Variants in XKR6 observed in about 807,000 individuals in gnomAD.
XKR6 encodes XK related 6, also known as XK-related protein 6.
In XKR6, 22 loss-of-function variants were observed where a neutral mutation model predicts 56.7. That is an observed-to-expected ratio of 0.39 (90% CI 0.28 to 0.55). The LOEUF (loss-of-function observed/expected upper bound fraction) is 0.55, where lower values mean the gene tolerates loss of function less well. XKR6 is among the 20% of genes least tolerant of loss of function. XKR6 has a pLI of 0.66. For missense variants in XKR6, 852 were observed against 889.0 expected (o/e 0.96, Z 0.53); for synonymous variants, 524 against 387.8 (o/e 1.35, Z -4.13).
At chr8:10,982,266 C>T (rs1400341971) in intron 1 of XKR6, among the ~76,000 whole-genome samples, 1 of 152,182 alleles carries the variant, frequency 6.6e-6, no homozygotes, top group Non-Finnish European at 1.5e-5. Flanking sequence ...AGTTGAAAAT[C>T]ATTTCCAAGA....
At chr8:11,132,921 G>C (rs977632426) in intron 1 of XKR6, among the ~76,000 whole-genome samples, 1 of 151,142 alleles carries the variant, frequency 6.6e-6, no homozygotes, top group Admixed American at 6.6e-5. Flanking sequence ...GACAAAAGTT[G>C]CTTTTCAATT....
At chr8:11,135,705 G>A (rs900873771) in intron 1 of XKR6, among the ~76,000 whole-genome samples, 2 of 151,274 alleles carry the variant, frequency 1.3e-5, no homozygotes, top group African/African-American at 4.9e-5. Flanking sequence ...TTCTGAGGTA[G>A]AATTTCAAAT....
intron 2 of XKR6, among the ~76,000 whole-genome samples, chr8:10,910,717 G>A (rs1018545590): frequency 6.6e-6 from 1 of 152,224 alleles, no homozygotes; most frequent in African/African-American, 2.4e-5. Flanking sequence ...GGGCCCAGGA[G>A]GAGGAACGCT....
intron 1 of XKR6, among the ~76,000 whole-genome samples, chr8:10,993,030 A>G (rs1325079348): frequency 6.6e-6 from 1 of 152,182 alleles, no homozygotes; most frequent in Non-Finnish European, 1.5e-5. Context: ...GGAGAAAGAG[A>G]AGTGGGAGGT....
At chr8:11,019,875 C>T (rs562176629) in intron 1 of XKR6, among the ~76,000 whole-genome samples, 53 of 152,258 alleles carry the variant, frequency 3.5e-4, no homozygotes, top group African/African-American at 1.1e-3. Flanking sequence ...AAGAGAAATC[C>T]GATCAGAGGT....
chr8:11,160,928 A>G (rs926342438), intron 1 of XKR6, among the ~76,000 whole-genome samples: 10 of 151,244 alleles, frequency 6.6e-5, no homozygotes, highest in East Asian at 1.9e-4. Context: ...AAAAAAAAAA[A>G]AAAGAAAAAA....
chr8:11,157,989 A>G (rs774537305), intron 1 of XKR6, among the ~76,000 whole-genome samples: 4 of 152,222 alleles, frequency 2.6e-5, no homozygotes, highest in Non-Finnish European at 4.4e-5. Context: ...TGTTGAGTCA[A>G]TTGCAATTAT....
intron 1 of XKR6, among the ~76,000 whole-genome samples, chr8:11,006,305 C>T (rs1586422812): frequency 6.6e-6 from 1 of 152,160 alleles, no homozygotes; most frequent in Admixed American, 6.5e-5. Flanking sequence ...TCAGCGCCTA[C>T]TGTGGACAAT....
At chr8:10,961,369 T>C (rs1802055466) in intron 1 of XKR6, among the ~76,000 whole-genome samples, 1 of 151,850 alleles carries the variant, frequency 6.6e-6, no homozygotes, top group African/African-American at 2.4e-5. Flanking sequence ...GAGCTGTGAG[T>C]CCAGAGACAC....
intron 1 of XKR6, chr8:11,113,924 G>A (rs911265025): frequency 2.1e-5 from 6 of 280,712 alleles, no homozygotes; most frequent in African/African-American, 9.0e-5. Flanking sequence ...AGGAACTGGG[G>A]CAGCACAGAC....
rs988599732 is a variant in XKR6 at position 11,040,398 on chromosome 8, G to T, written c.765-115568C>A. 5.9e-5 allele frequency among the ~76,000 whole-genome samples: 9 copies of T among 151,656 alleles called. No homozygotes were observed. The South Asian group carries it at 1.9e-3, about 32-fold the overall frequency. The stretch of plus-strand genomic sequence containing the variant: ...AAAAAAAAAATTAGCCAAACAGGGT[G>T]GCACCCACCTGTAGACCCAGCTACT... On this transcript the variant is annotated intron_variant, in intron 1 of 2. Coordinates refer to ENST00000416569, the MANE Select transcript of XKR6 (RefSeq NM_173683.4).
At chr8:11,190,435 T>A (rs1412470429) in intron 1 of XKR6, among the ~76,000 whole-genome samples, 1 of 152,174 alleles carries the variant, frequency 6.6e-6, no homozygotes, top group Non-Finnish European at 1.5e-5. Flanking sequence ...TATTCCTTTG[T>A]GTAATGTGGA....
intron 1 of XKR6, among the ~76,000 whole-genome samples, chr8:11,166,011 A>G (rs1802053290): frequency 6.7e-6 from 1 of 148,742 alleles, no homozygotes; most frequent in African/African-American, 2.5e-5. Flanking sequence ...ACTGGAGTGC[A>G]GTTGTGTGAT....
intron 1 of XKR6, among the ~76,000 whole-genome samples, chr8:11,075,121 T>TAAGG (rs1000974494): frequency 3.5e-4 from 54 of 152,180 alleles, no homozygotes; most frequent in Middle Eastern, 3.4e-3. Flanking sequence ...GAGGCTCCCA[T>TAAGG]AAGGAGCCCA....
chr8:11,043,554 G>A (rs371265341), intron 1 of XKR6, among the ~76,000 whole-genome samples: 2 of 152,354 alleles, frequency 1.3e-5, no homozygotes, highest in East Asian at 3.9e-4. Context: ...AGCCCCTGGA[G>A]GGCAGGCACT....
chr8:11,192,316 G>A (rs925537738), intron 1 of XKR6, among the ~76,000 whole-genome samples: 14 of 151,738 alleles, frequency 9.2e-5, no homozygotes, highest in African/African-American at 2.7e-4. Context: ...GTGCCACCAC[G>A]CCCGGCTAAT....
intron 1 of XKR6, among the ~76,000 whole-genome samples, chr8:11,048,114 G>A (rs1799454597): frequency 2.0e-5 from 3 of 152,062 alleles, no homozygotes; most frequent in Non-Finnish European, 2.9e-5. Context: ...CACCCCCCAC[G>A]CTCAGTCACT....
At chr8:10,913,670 G>A (rs1041061683) in intron 2 of XKR6, among the ~76,000 whole-genome samples, 2 of 152,212 alleles carry the variant, frequency 1.3e-5, no homozygotes, top group Non-Finnish European at 2.9e-5. Context: ...GCACTCAGCC[G>A]TCGATGCAGA....
At chr8:10,913,057 A>G (rs966195319) in intron 2 of XKR6, among the ~76,000 whole-genome samples, 1 of 148,616 alleles carries the variant, frequency 6.7e-6, no homozygotes, top group African/African-American at 2.5e-5. Flanking sequence ...TATATATAGT[A>G]TATATCTATA....
Sources: gnomAD v4.1 joint callset for allele counts (sites outside exome capture counted in the v4.1 genomes callset) on GRCh38, gnomAD v4.1.1 for gene constraint, MANE v1.5 for transcripts, NCBI Gene and HGNC (gene_info 2026-07-23, HGNC 2026-07-21) for gene names.